The following ATP1A1 variants were observed in gnomAD, a reference collection of about 807,000 sequenced individuals.
ATP1A1 encodes sodium/potassium-transporting ATPase subunit alpha-1.
In ATP1A1, 14 loss-of-function variants were observed where a neutral mutation model predicts 114.8. That is an observed-to-expected ratio of 0.12 (90% confidence interval 0.08 to 0.19). ATP1A1 has a LOEUF of 0.19. Among genes scored for constraint, ATP1A1 ranks in the 10% least tolerant of loss-of-function variants. ATP1A1 has a pLI of 1.00. For missense variants in ATP1A1, 524 were observed against 1,290.7 expected, an observed-to-expected ratio of 0.41 and a Z score of 9.10; for synonymous variants, 471 against 466.3, an observed-to-expected ratio of 1.01 and a Z score of -0.13.
Position 116,384,199 on chromosome 1 carries a change from AT to A in ATP1A1, c.123+77del, listed in dbSNP as rs1651931107. On this transcript the variant is annotated intron_variant, in intron 2 of 22. Coordinates refer to ENST00000295598, the MANE Select transcript of ATP1A1 (RefSeq NM_000701.8). This position sits in a 1 kb window ranked among gnomAD's most constrained non-coding sequence, Gnocchi z 5.1. ...TTTTTAATCCCCCAGGCCTCACTGT[AT>A]TCTTCAAAGAACTGCTATATATTAA... The A allele has an allele frequency of 8.1e-7, 1 of 1,232,562 alleles. No individual in the cohort carries two copies. Among genetic ancestry groups the A allele is most frequent in the Non-Finnish European group, 1.2e-6 (1 of 860,736 alleles). 76.4% of individuals were successfully genotyped at this position (1,232,562 alleles called of 1,614,324 possible).
rs1195256015 is a variant in ATP1A1, at chr1:116,387,578, T to C, written c.387+87T>C. ...TCTCCCACTTCTTCTCAATTACCACTCATTACTTAATGGTTATGAACTCAT... is the reference window on the plus strand; with the variant it reads ...TCTCCCACTTCTTCTCAATTACCACCCATTACTTAATGGTTATGAACTCAT... On this transcript the variant is annotated intron_variant, in intron 4 of 22. Transcript: ENST00000295598. The surrounding 1 kb of genome is among the most constrained non-coding windows in gnomAD (Gnocchi z 6.7). The C allele has an allele frequency of 7.1e-7, 1 of 1,404,840 alleles. No individual in the cohort carries two copies. Among genetic ancestry groups the C allele is most frequent in the African/African-American group, 1.4e-5 (1 of 70,208 alleles). The allele number at this position is 1,404,840 out of a possible 1,614,324, so 87.0% of individuals were successfully genotyped here. A position where few individuals can be genotyped will look rare whatever the true frequency, so the allele number is the denominator to read the frequency against.
chr1:116,398,073 C>G lies in ATP1A1; in HGVS notation c.2124+35C>G, dbSNP rs750495844. 1 of 1,609,340 alleles carries G rather than the reference C, an allele frequency of 6.2e-7. No homozygotes were observed. The highest frequency in any genetic ancestry group is 2.2e-5 in the East Asian group (1 of 44,846). ...CACAAGGATCAGGCTGCTTTGGGCA[C>G]TATTGGCTTTAGGGATTGGAGTTCC... is the stretch of plus-strand genomic sequence containing the variant. On this transcript the variant is annotated intron_variant, in intron 15 of 22. Transcript: ENST00000295598. This position sits in a 1 kb window ranked among gnomAD's most constrained non-coding sequence, Gnocchi z 6.1.
chr1:116,396,276 C>CT (rs367825500), intron 13 of ATP1A1, among the ~76,000 whole-genome samples: 5,586 of 102,592 alleles, frequency 0.054, 329 homozygotes, highest in African/African-American at 0.15. Flanking sequence ...GATTTTTATC[C>CT]TTTTTTTTTT....
In ATP1A1 at chr1:116,401,968, C is replaced by T; in HGVS notation, c.2951+313C>T. The T allele has an allele frequency of 6.8e-6, 2 of 294,642 alleles. No individual in the cohort carries two copies. The highest frequency in any genetic ancestry group is 1.2e-5 in the Non-Finnish European group (2 of 160,220). 18.3% of individuals were successfully genotyped at this position (294,642 alleles called of 1,614,324 possible). On this transcript the variant is annotated intron_variant, in intron 21 of 22. Transcript: ENST00000295598. The surrounding 1 kb of genome is among the most constrained non-coding windows in gnomAD (Gnocchi z 4.7). ...TCTGCCACAGCTGTAGTCCAGTTGT[C>T]TTTAGAGGCCAACTGGGGGTATGCT...
intron 10 of ATP1A1, chr1:116,392,255 C>T (rs1007495650): frequency 3.3e-5 from 5 of 152,142 alleles, no homozygotes; most frequent in East Asian, 3.8e-4. Context: ...TTACGTGGTT[C>T]GATTTTATTA....
rs1464772181 is a variant in ATP1A1, at chr1:116,384,281, A to G, written c.123+157A>G. ...CTAGTCGTAGAGGTTAATGTTGAAC[A>G]TATACTTTTTAAAAGCTGTTAGAGG... On this transcript the variant is annotated intron_variant, in intron 2 of 22. Transcript: ENST00000295598. The surrounding 1 kb of genome is among the most constrained non-coding windows in gnomAD (Gnocchi z 5.1). 6.6e-6 allele frequency among the ~76,000 whole-genome samples: 1 copy of G among 152,230 alleles called. No homozygotes were observed. Among genetic ancestry groups the G allele is most frequent in the African/African-American group, 2.4e-5 (1 of 41,458 alleles).
Position 116,398,482 on chromosome 1 carries a change from C to T in ATP1A1, c.2125-139C>T, listed in dbSNP as rs74111872. The T allele has an allele frequency of 0.022, 23,887 of 1,090,346 alleles. 2,377 individuals carry two copies. In the African/African-American group the frequency reaches 0.25, roughly 12 times the overall value. 67.5% of individuals were successfully genotyped at this position (1,090,346 alleles called of 1,614,324 possible). On this transcript the variant is annotated intron_variant, in intron 15 of 22. Transcript: ENST00000295598. This position sits in a 1 kb window ranked among gnomAD's most constrained non-coding sequence, Gnocchi z 6.1. ...GGCCTGTGTGAATACTTGCCTGTGACGGTTCTCAGGCTTCATAAATAGTCT... is the reference window on the plus strand; with the variant it reads ...GGCCTGTGTGAATACTTGCCTGTGATGGTTCTCAGGCTTCATAAATAGTCT...
In ATP1A1 at chr1:116,397,781, T is replaced by C. The variant is rs545336627; in HGVS notation, c.1974-107T>C. 2.2e-6 allele frequency: 3 copies of C among 1,377,148 alleles called. No individual in the cohort carries two copies. Among genetic ancestry groups the C allele is most frequent in the East Asian group, 4.6e-5 (2 of 43,452 alleles). The allele number at this position is 1,377,148 out of a possible 1,614,324, so 85.3% of individuals were successfully genotyped here. Reference sequence around the variant, plus strand: ...TATGTGCTGGGGAAAATTCCTTCTTTGTTTTGTTTACAAAGTGATCTGCAT... The same window carrying C: ...TATGTGCTGGGGAAAATTCCTTCTTCGTTTTGTTTACAAAGTGATCTGCAT... On this transcript the variant is annotated intron_variant, in intron 14 of 22. Transcript: ENST00000295598. This position sits in a 1 kb window ranked among gnomAD's most constrained non-coding sequence, Gnocchi z 4.2.
chr1:116,374,139 G>T, intron 1 of ATP1A1: 7 of 1,546,560 alleles, frequency 4.5e-6, no homozygotes, highest in Admixed American at 3.9e-5. Context: ...AGAGGCGGCC[G>T]CCCTCCCCCA....
At chr1:116,378,207 G>GT (rs1361299669) in intron 1 of ATP1A1, among the ~76,000 whole-genome samples, 2 of 152,204 alleles carry the variant, frequency 1.3e-5, no homozygotes, top group Non-Finnish European at 2.9e-5. Context: ...CTTTGGTTTG[G>GT]TTTTTATTTG....
chr1:116,404,250 A>G lies in ATP1A1; in HGVS notation c.3044-166A>G, dbSNP rs895003269. Among the ~76,000 whole-genome samples, 13 of 152,218 alleles carry G rather than the reference A, an allele frequency of 8.5e-5. No homozygotes were observed. Among genetic ancestry groups the G allele is most frequent in the African/African-American group, 3.1e-4 (13 of 41,452 alleles). The stretch of plus-strand genomic sequence containing the variant: ...AAACCATCTTTCCAGGTAACTTGGT[A>G]TTCCTAAAAACATGTAAATAAGTAC... On this transcript the variant is annotated intron_variant, in intron 22 of 22. Transcript: ENST00000295598. This position sits in a 1 kb window ranked among gnomAD's most constrained non-coding sequence, Gnocchi z 4.8.
rs917361832 is a variant in ATP1A1, at chr1:116,388,996, T to A, written c.731T>A (p.Phe244Tyr). 1 of 1,614,088 alleles carries A rather than the reference T, an allele frequency of 6.2e-7. No individual in the cohort carries two copies. Among genetic ancestry groups the A allele is most frequent in the Non-Finnish European group, 8.5e-7 (1 of 1,180,034 alleles). ...CCCCTGGAGACGAGGAACATTGCCT[T>A]CTTTTCAACCAATTGTGTTGAAGGT... ...ENPLETRNIA[F>Y]FSTNCVEGTA... is the part of the protein sequence containing the mutation. Residue 244 changes from phenylalanine (F) to tyrosine (Y), a missense_variant, in exon 7 of 23, where the codon TTC (phenylalanine) becomes TAC (tyrosine). This residue lies in a region of ATP1A1 where 141 missense variants were observed against 316.6 expected (regional missense o/e 0.45). Coordinates refer to ENST00000295598, the MANE Select transcript of ATP1A1 (RefSeq NM_000701.8). This position sits in a 1 kb window ranked among gnomAD's most constrained non-coding sequence, Gnocchi z 5.6.
intron 1 of ATP1A1, chr1:116,383,421 C>T: frequency 1.1e-6 from 1 of 912,926 alleles, no homozygotes; most frequent in South Asian, 4.3e-5. Flanking sequence ...TATAAAAGTA[C>T]TAGCATTTAG....
Position 116,401,030 on chromosome 1 carries a change from C to T in ATP1A1, c.2718+24C>T. Reference sequence around the variant, plus strand: ...GGGTGAGTGGGCACCTCTGACCTGACCAGTGTCAGAGCTCCTCAAGCCCCA... The same window carrying T: ...GGGTGAGTGGGCACCTCTGACCTGATCAGTGTCAGAGCTCCTCAAGCCCCA... On this transcript the variant is annotated intron_variant, in intron 19 of 22. Transcript: ENST00000295598. The surrounding 1 kb of genome is among the most constrained non-coding windows in gnomAD (Gnocchi z 4.7). The T allele has an allele frequency of 1.2e-6, 2 of 1,613,858 alleles. No homozygotes were observed. The highest frequency in any genetic ancestry group is 1.1e-5 in the South Asian group (1 of 91,072).
In ATP1A1 at chr1:116,392,928, G is replaced by C; in HGVS notation, c.1407G>C (p.Glu469Asp). The C allele has an allele frequency of 2.5e-6, 4 of 1,614,142 alleles. No homozygotes were observed. The highest frequency in any genetic ancestry group is 2.5e-6 in the Non-Finnish European group (3 of 1,180,026). ...AGCTGTGCTGTGGTTCCGTGAAGGA[G>C]ATGAGAGAAAGATACGCCAAAATCG... is the stretch of plus-strand genomic sequence containing the variant. ...CIELCCGSVK[E>D]MRERYAKIVE... The change falls in exon 11 of 23, where the codon GAG (glutamate) becomes GAC (aspartate). Residue 469 changes from glutamate (E) to aspartate (D), a missense_variant. This residue lies in a region of ATP1A1 where 143 missense variants were observed against 259.3 expected (regional missense o/e 0.55). Transcript: ENST00000295598.
chr1:116,384,167 TC>T lies in ATP1A1; in HGVS notation c.123+45del. 2 of 1,540,512 alleles carry T rather than the reference TC, an allele frequency of 1.3e-6. No homozygotes were observed. Among genetic ancestry groups the T allele is most frequent in the Non-Finnish European group, 1.8e-6 (2 of 1,118,850 alleles). On this transcript the variant is annotated intron_variant, in intron 2 of 22. Coordinates refer to ENST00000295598, the MANE Select transcript of ATP1A1 (RefSeq NM_000701.8). This position sits in a 1 kb window ranked among gnomAD's most constrained non-coding sequence, Gnocchi z 5.1. ...TATTGTATTCCATCCTTATTAAAAA[TC>T]CATGATTTTTAATCCCCCAGGCCTC... is the stretch of plus-strand genomic sequence containing the variant.
chr1:116,382,310 C>G (rs1310133089), intron 1 of ATP1A1: 1 of 151,938 alleles, frequency 6.6e-6, no homozygotes, highest in East Asian at 1.9e-4. Context: ...AAAGATATAC[C>G]ACTTTAGCTG....
At chr1:116,378,681 T>C (rs922985194) in intron 1 of ATP1A1, among the ~76,000 whole-genome samples, 6 of 152,232 alleles carry the variant, frequency 3.9e-5, no homozygotes, top group Non-Finnish European at 8.8e-5. Context: ...GACATTTCTT[T>C]AGGGCCTTGG....
chr1:116,399,199 G>A lies in ATP1A1; in HGVS notation c.2448+115G>A. On this transcript the variant is annotated intron_variant, in intron 17 of 22. Transcript: ENST00000295598. This position sits in a 1 kb window ranked among gnomAD's most constrained non-coding sequence, Gnocchi z 5.0. ...TGGCGTTGGGAAAAGAAATTCTCAG[G>A]ACCAGTATCCAGTGTGTGTCCCAAT... 1 of 1,494,814 alleles carries A rather than the reference G, an allele frequency of 6.7e-7. No homozygotes were observed. Among genetic ancestry groups the A allele is most frequent in the Non-Finnish European group, 9.2e-7 (1 of 1,090,610 alleles). 92.6% of individuals were successfully genotyped at this position (1,494,814 alleles called of 1,614,324 possible).
Sources: allele counts gnomAD v4.1 joint callset (sites outside exome capture counted in the v4.1 genomes callset), GRCh38; gene constraint gnomAD v4.1.1; regional missense constraint gnomAD v4.1.1; non-coding constraint Gnocchi (gnomAD v3.1); transcripts MANE v1.5; gene names NCBI Gene and HGNC (gene_info 2026-07-23, HGNC 2026-07-21).